Variants in DPY19L1 observed in about 807,000 individuals in gnomAD.
DPY19L1 encodes protein C-mannosyl-transferase DPY19L1.
In DPY19L1, 35 loss-of-function variants were observed where a neutral mutation model predicts 96.9. The observed-to-expected ratio is 0.36, with a 90% confidence interval of 0.28 to 0.48. The LOEUF is 0.48. DPY19L1 is among the 20% of genes least tolerant of loss of function. The probability of loss-of-function intolerance (pLI) is 0.99; values close to 1 mark genes in which losing one functional copy is unlikely to be tolerated. For missense variants in DPY19L1, 521 were observed against 777.9 expected, an observed-to-expected ratio of 0.67 and a Z score of 3.93; for synonymous variants, 205 against 252.6, an observed-to-expected ratio of 0.81 and a Z score of 1.79.
At chr7:35,021,810 C>A (rs1005977163) in intron 1 of DPY19L1, among the ~76,000 whole-genome samples, 1 of 152,052 alleles carries the variant, frequency 6.6e-6, no homozygotes, top group Non-Finnish European at 1.5e-5. Context: ...TCCTACTCTC[C>A]CCTCCTTCTT....
rs1175353830 is a variant in DPY19L1, at chr7:34,930,592, C to A, written c.*981G>T. 1.3e-5 allele frequency: 2 copies of A among 152,026 alleles called. No homozygotes were observed. Among genetic ancestry groups the A allele is most frequent in the South Asian group, 2.1e-4 (1 of 4,820 alleles). The allele number at this position is 152,026 out of a possible 1,614,324, so 9.4% of individuals were successfully genotyped here. A position where few individuals can be genotyped will look rare whatever the true frequency, so the allele number is the denominator to read the frequency against. On this transcript the variant is annotated 3_prime_UTR_variant, in exon 22 of 22. Coordinates refer to ENST00000638088, the MANE Select transcript of DPY19L1 (RefSeq NM_001366673.1). ...TATCTTAATAGTAAAAGAAAAATTA[C>A]CATGTACTACAGTCTACTGTTCCAC...
At chr7:34,993,785 C>T (rs1309292240) in intron 6 of DPY19L1, among the ~76,000 whole-genome samples, 2 of 151,986 alleles carry the variant, frequency 1.3e-5, no homozygotes, top group Non-Finnish European at 2.9e-5. Context: ...TGGGGTCAGG[C>T]ACAGTGGCTC....
chr7:34,942,245 C>G (rs1454139334), intron 17 of DPY19L1, among the ~76,000 whole-genome samples: 2 of 152,108 alleles, frequency 1.3e-5, no homozygotes, highest in Non-Finnish European at 2.9e-5. Context: ...GCCCTCAAAA[C>G]CAGACTGGAC....
intron 10 of DPY19L1, among the ~76,000 whole-genome samples, chr7:34,959,876 T>C (rs1255422774): frequency 1.4e-5 from 2 of 138,220 alleles, no homozygotes; most frequent in Non-Finnish European, 3.1e-5. Context: ...TATATTTTAA[T>C]ATATATGTTT....
rs1197314955 is a variant in DPY19L1, at chr7:34,939,369, A to G, written c.1871T>C (p.Val624Ala). 1 of 1,613,814 alleles carries G rather than the reference A, an allele frequency of 6.2e-7. No homozygotes were observed. The highest frequency in any genetic ancestry group is 1.3e-5 in the African/African-American group (1 of 74,948). Residue 624 changes from valine to alanine, a missense_variant, in exon 20 of 22, where the codon GTG becomes GCG. Coordinates refer to ENST00000638088, the MANE Select transcript of DPY19L1 (RefSeq NM_001366673.1). ...CATCGTGGGCATGGCACCCGCAAAC[A>G]CTGCATCTGGAAGGCAAGAGGAATG... is the stretch of plus-strand genomic sequence containing the variant. Reference protein sequence around the residue: ...WIKYSTKPDAVFAGAMPTMAS... With the variant: ...WIKYSTKPDAAFAGAMPTMAS...
chr7:35,030,558 C>T (rs951415142), intron 1 of DPY19L1, among the ~76,000 whole-genome samples: 2 of 152,086 alleles, frequency 1.3e-5, no homozygotes, highest in African/African-American at 2.4e-5. Flanking sequence ...TACAAAATGC[C>T]ATCCAAACAT....
chr7:34,945,404 C>A (rs532095459), intron 16 of DPY19L1, among the ~76,000 whole-genome samples: 5 of 152,138 alleles, frequency 3.3e-5, no homozygotes, highest in Non-Finnish European at 7.4e-5. Flanking sequence ...AAATGAAGTA[C>A]AAAACTGTGT....
At chr7:35,027,199 C>A (rs369329847) in intron 1 of DPY19L1, among the ~76,000 whole-genome samples, 1 of 151,430 alleles carries the variant, frequency 6.6e-6, no homozygotes, top group African/African-American at 2.4e-5. Flanking sequence ...AGCAAAACTC[C>A]GTCTCAAAGA....
At chr7:35,027,056 G>A (rs972021658) in intron 1 of DPY19L1, among the ~76,000 whole-genome samples, 4 of 152,074 alleles carry the variant, frequency 2.6e-5, no homozygotes, top group Admixed American at 6.6e-5. Flanking sequence ...ATTTAGCTGG[G>A]TGTGGTGGCA....
At chr7:34,981,564 T>C (rs328904) in intron 7 of DPY19L1, among the ~76,000 whole-genome samples, 40,654 of 152,194 alleles carry the variant, frequency 0.27, 5,606 homozygotes, top group Non-Finnish European at 0.31. Flanking sequence ...TTTAACTTTG[T>C]AAATTCAATA....
At chr7:34,964,268 C>T (rs1280865488) in intron 10 of DPY19L1, among the ~76,000 whole-genome samples, 2 of 152,040 alleles carry the variant, frequency 1.3e-5, no homozygotes, top group Non-Finnish European at 2.9e-5. Flanking sequence ...GTAGGTTTTG[C>T]TGCAAACTAC....
At chr7:35,013,533 A>T in intron 4 of DPY19L1, 35 bp downstream of exon 4, 3 of 1,593,982 alleles carry the variant, frequency 1.9e-6, no homozygotes, top group Non-Finnish European at 2.6e-6. Context: ...AGTTTTTACA[A>T]AAGTGAAAAA....
At chr7:34,996,917 G>A (rs1785298370) in intron 6 of DPY19L1, among the ~76,000 whole-genome samples, 1 of 152,186 alleles carries the variant, frequency 6.6e-6, no homozygotes, top group Non-Finnish European at 1.5e-5. Flanking sequence ...CTGGTGGGGA[G>A]CAGAGCCACA....
rs545042078 is a variant in DPY19L1, at chr7:34,991,099, T to C, written c.765-1158A>G. On this transcript the variant is annotated intron_variant, in intron 6 of 21. Transcript: ENST00000638088. ...AGACTGCATATTAGTGGTAAGTACT[T>C]TGTGGAGCTTCCATGTTCCCCACAG... Among the ~76,000 whole-genome samples, 10 of 152,318 alleles carry C rather than the reference T, an allele frequency of 6.6e-5. No homozygotes were observed. The South Asian group carries it at 2.1e-3, about 32-fold the overall frequency.
intron 8 of DPY19L1, among the ~76,000 whole-genome samples, chr7:34,971,819 G>A (rs1784730159): frequency 6.6e-6 from 1 of 152,174 alleles, no homozygotes; most frequent in African/African-American, 2.4e-5. Context: ...CCCCATCCTG[G>A]TAGGCAGAAT....
At chr7:34,932,578 T>C (rs1341309016) in intron 21 of DPY19L1, among the ~76,000 whole-genome samples, 1 of 152,252 alleles carries the variant, frequency 6.6e-6, no homozygotes, top group East Asian at 1.9e-4. Flanking sequence ...GGACAGTCGA[T>C]ATTCTAGAAT....
At chr7:34,941,995 C>G (rs984554979) in intron 17 of DPY19L1, 111 bp from the exon 18 acceptor site, 34 of 1,138,328 alleles carry the variant, frequency 3.0e-5, no homozygotes, top group African/African-American at 9.6e-5. Context: ...AAAAATACTA[C>G]TAAGGTTTCT....
At chr7:34,985,851 GCACTCC>G (rs1785035825) in intron 7 of DPY19L1, among the ~76,000 whole-genome samples, 1 of 151,972 alleles carries the variant, frequency 6.6e-6, no homozygotes, top group Admixed American at 6.6e-5. Flanking sequence ...AGAGATATCT[GCACTCC>G]CATGTTCATT....
At position 34,958,561 on chromosome 7, in the gene DPY19L1, C is replaced by T. The variant is rs538335250; in HGVS notation, c.1093-491G>A. Among the ~76,000 whole-genome samples the T allele has an allele frequency of 2.6e-5, 4 of 151,962 alleles. No homozygotes were observed. The South Asian group carries it at 6.2e-4, about 24-fold the overall frequency. On this transcript the variant is annotated intron_variant, in intron 10 of 21. Coordinates refer to ENST00000638088, the MANE Select transcript of DPY19L1 (RefSeq NM_001366673.1). Reference sequence around the variant, plus strand: ...TACAAACACTGCTATGATAGACATCCTTATGTGTATACCTTATGTGCATGT... The same window carrying T: ...TACAAACACTGCTATGATAGACATCTTTATGTGTATACCTTATGTGCATGT...
Sources: allele counts gnomAD v4.1 joint callset (sites outside exome capture counted in the v4.1 genomes callset), GRCh38; gene constraint gnomAD v4.1.1; transcripts MANE v1.5; gene names NCBI Gene and HGNC (gene_info 2026-07-23, HGNC 2026-07-21).